Variants in NXPE1 observed in about 807,000 individuals in gnomAD.
The protein encoded by NXPE1 is neurexophilin and PC-esterase domain family member 1.
NXPE1 carries 31 observed loss-of-function variants against 33.3 expected under a neutral mutation model. That is an observed-to-expected ratio of 0.93 (90% CI 0.70 to 1.26). NXPE1 has a LOEUF of 1.26. Among genes scored for constraint, NXPE1 ranks in the 50% most tolerant of loss-of-function variants. The probability of loss-of-function intolerance (pLI) is 0.00; values close to 1 mark genes in which losing one functional copy is unlikely to be tolerated. For missense variants in NXPE1, 661 were observed against 655.6 expected (o/e 1.01, Z -0.09); for synonymous variants, 229 against 231.4 (o/e 0.99, Z 0.09).
rs1947519646 is a variant in NXPE1 at position 114,530,063 on chromosome 11, C to T, written c.833+112G>A. On this transcript the variant is annotated intron_variant, in intron 6 of 8. Coordinates refer to ENST00000534921, the Ensembl canonical transcript of NXPE1. ...CCCCAAGAAGACACCACATGTCTTA[C>T]CTTGAGTACAGGAGGCCTCTGAGTC... 3 of 1,144,932 alleles carry T rather than the reference C, an allele frequency of 2.6e-6. No individual in the cohort carries two copies. In the East Asian group the frequency reaches 7.1e-5, roughly 27 times the overall value. 70.9% of individuals were successfully genotyped at this position (1,144,932 alleles called of 1,614,324 possible).
At chr11:114,526,358 A>G (rs1947368795) in intron 7 of NXPE1, among the ~76,000 whole-genome samples, 1 of 152,202 alleles carries the variant, frequency 6.6e-6, no homozygotes, top group Non-Finnish European at 1.5e-5. Context: ...CATTCTTTTA[A>G]ATATAAAATC....
intron 1 of NXPE1, among the ~76,000 whole-genome samples, chr11:114,558,967 G>A (rs1329519840): frequency 2.0e-5 from 3 of 152,162 alleles, no homozygotes; most frequent in African/African-American, 4.8e-5. Flanking sequence ...TAAGAAACAT[G>A]TAGTGGATGT....
chr11:114,542,992 T>C (rs1291792071), intron 5 of NXPE1, among the ~76,000 whole-genome samples: 2 of 152,186 alleles, frequency 1.3e-5, no homozygotes, highest in Non-Finnish European at 2.9e-5. Flanking sequence ...AAGTGGCTTA[T>C]GCCTATAATC....
At chr11:114,559,364 A>G (rs1467248309) in intron 1 of NXPE1, among the ~76,000 whole-genome samples, 5 of 152,210 alleles carry the variant, frequency 3.3e-5, no homozygotes, top group Admixed American at 3.3e-4. Flanking sequence ...ACATATTCAT[A>G]CATTTTCCAC....
At chr11:114,528,055 TG>T (rs1379729512) in intron 6 of NXPE1, among the ~76,000 whole-genome samples, 154 bp from the exon 7 acceptor site, 2 of 152,140 alleles carry the variant, frequency 1.3e-5, no homozygotes, top group African/African-American at 4.8e-5. Context: ...GTATTGTAAA[TG>T]AGTGAGGATT....
In NXPE1 at chr11:114,557,664, TATATATATAA is replaced by T. The variant is rs1430245909; in HGVS notation, c.-211+2124_-211+2133del. On this transcript the variant is annotated intron_variant, in intron 1 of 8. Transcript: ENST00000534921. ...ATATATATATATATATATATATATA[TATATATATAA>T]AATCCTTGTTCATTTATATTTGTAC... Among the ~76,000 whole-genome samples, 163 of 108,666 alleles carry T rather than the reference TATATATATAA, an allele frequency of 1.5e-3. 1 individual carries two copies. The highest frequency in any genetic ancestry group is 5.0e-3 in the Admixed American group (55 of 11,110). The allele number at this position is 108,666 out of a possible 152,430, so 71.3% of individuals were successfully genotyped here.
intron 5 of NXPE1, among the ~76,000 whole-genome samples, chr11:114,540,750 A>G (rs529549259): frequency 1.3e-5 from 2 of 148,286 alleles, no homozygotes; most frequent in African/African-American, 4.9e-5. Flanking sequence ...AGAAGGTGCC[A>G]TTAAGAGGAG....
intron 5 of NXPE1, among the ~76,000 whole-genome samples, chr11:114,532,367 A>C (rs1267847318): frequency 6.6e-6 from 1 of 152,204 alleles, no homozygotes; most frequent in Non-Finnish European, 1.5e-5. Context: ...TCTCTGGAAA[A>C]TATATATCTG....
At chr11:114,530,730 T>G (rs1947549071) in exon 6 of NXPE1, 1 of 1,614,204 alleles carries the variant, frequency 6.2e-7, no homozygotes, top group African/African-American at 1.3e-5. Context: ...GGTGGTGGTG[T>G]TCACATGGGT....
intron 5 of NXPE1, 70 bp downstream of exon 5, chr11:114,551,033 A>G: frequency 1.3e-6 from 1 of 791,708 alleles, no homozygotes; most frequent in Non-Finnish European, 2.1e-6. Context: ...ATGGAGTGGG[A>G]CTGACTTGAG....
intron 1 of NXPE1, among the ~76,000 whole-genome samples, chr11:114,558,964 CAT>C (rs1948717987): frequency 6.6e-6 from 1 of 152,084 alleles, no homozygotes; most frequent in Non-Finnish European, 1.5e-5. Context: ...GGTTAAGAAA[CAT>C]GTAGTGGATG....
At chr11:114,551,251 A>C (rs528271699) in intron 4 of NXPE1, 40 bp from the exon 5 acceptor site, 37,035 of 1,366,536 alleles carry the variant, frequency 0.027, 570 homozygotes, top group Middle Eastern at 0.046. Flanking sequence ...TGAGAAGTGA[A>C]TCTCTCTGTA....
exon 8 of NXPE1, chr11:114,523,008 T>A: frequency 1.2e-6 from 2 of 1,613,678 alleles, no homozygotes; most frequent in Non-Finnish European, 1.7e-6. Context: ...CAAAATGTTG[T>A]TATCCATTTT....
intron 5 of NXPE1, among the ~76,000 whole-genome samples, chr11:114,539,913 A>G (rs947518720): frequency 5.4e-4 from 83 of 152,328 alleles, no homozygotes; most frequent in African/African-American, 1.9e-3. Flanking sequence ...AAACCCAAAG[A>G]TTCCTATCAC....
chr11:114,542,734 T>A (rs1948143506), intron 5 of NXPE1, among the ~76,000 whole-genome samples: 1 of 152,150 alleles, frequency 6.6e-6, no homozygotes, highest in African/African-American at 2.4e-5. Context: ...GAAGCAATAG[T>A]CATTTACCAA....
At chr11:114,521,765 A>T in exon 9 of NXPE1, 1 of 501,332 alleles carries the variant, frequency 2.0e-6, no homozygotes, top group Non-Finnish European at 3.5e-6. Flanking sequence ...AGAACCAGGC[A>T]TGGTATAGTC....
chr11:114,553,226 T>C (rs1179364751), intron 1 of NXPE1, among the ~76,000 whole-genome samples: 2 of 152,228 alleles, frequency 1.3e-5, no homozygotes, highest in Non-Finnish European at 2.9e-5. Flanking sequence ...TAATATGTGC[T>C]ATACTGTTGT....
chr11:114,553,634 T>G, intron 1 of NXPE1: 1 of 818,716 alleles, frequency 1.2e-6, no homozygotes, highest in South Asian at 5.6e-5. Context: ...CAAATCAGAC[T>G]TCTTAGAATC....
chr11:114,539,611 G>T (rs947567672), intron 5 of NXPE1, among the ~76,000 whole-genome samples: 1 of 152,016 alleles, frequency 6.6e-6, no homozygotes, highest in South Asian at 2.1e-4. Flanking sequence ...AAAATTTTCT[G>T]TATTTCTAAT....
Sources: gnomAD v4.1 joint callset for allele counts (sites outside exome capture counted in the v4.1 genomes callset) on GRCh38, gnomAD v4.1.1 for gene constraint, MANE v1.5 for transcripts, NCBI Gene and HGNC (gene_info 2026-07-23, HGNC 2026-07-21) for gene names.